Variants in U2SURP observed in about 807,000 individuals in gnomAD.
U2SURP encodes U2 snRNP-associated SURP motif-containing protein.
Under a neutral mutation model 144.9 loss-of-function variants are expected in U2SURP, and 9 were observed. The ratio of observed to expected loss-of-function variants is 0.06; its 90% CI spans 0.04 to 0.11. U2SURP has a LOEUF of 0.11. Among genes scored for constraint, U2SURP ranks in the 10% least tolerant of loss-of-function variants. The pLI is 1.00. For missense variants in U2SURP, 724 were observed against 1,226.7 expected, an observed-to-expected ratio of 0.59 and a Z score of 6.12; for synonymous variants, 408 against 396.8, an observed-to-expected ratio of 1.03 and a Z score of -0.33.
At chr3:143,039,084 C>A (rs376932481) in intron 23 of U2SURP, 124 bp downstream of exon 23, 1 of 565,736 alleles carries the variant, frequency 1.8e-6, no homozygotes, top group Non-Finnish European at 2.9e-6. Context: ...GGGAGAGGAT[C>A]ATTTTTAGTT....
rs1186177225 is a variant in U2SURP, at chr3:143,055,020, C to T, written c.2852C>T (p.Ser951Leu). The T allele has an allele frequency of 5.0e-6, 8 of 1,608,300 alleles. No individual in the cohort carries two copies. In the East Asian group the frequency reaches 6.7e-5, roughly 13 times the overall value. Residue 951 changes from serine to leucine, a missense_variant, in exon 27 of 28, where the codon TCG becomes TTG. By Grantham distance (145) the Ser-to-Leu change is moderately radical. Coordinates refer to ENST00000473835, the MANE Select transcript of U2SURP (RefSeq NM_001080415.2). ...GRRVKSPSPKSERSERSERSH... is the reference protein window; with the variant it reads ...GRRVKSPSPKLERSERSERSH... ...CGAGTGAAATCCCCATCACCAAAAT[C>T]GGAGCGATCAGAGCGTTCAGAAAGA...
At chr3:143,041,599 G>A (rs1175870003) in intron 23 of U2SURP, among the ~76,000 whole-genome samples, 2 of 151,906 alleles carry the variant, frequency 1.3e-5, no homozygotes, top group Non-Finnish European at 2.9e-5. Flanking sequence ...TGAATTGACA[G>A]CCTTTCTTTT....
rs971183294 is a variant in U2SURP, at chr3:143,038,199, A to G, written c.2313A>G (p.Ala771=). The part of the protein sequence containing the change: ...WEAVDESELE[A]QAVTTSKWEL... The stretch of plus-strand genomic sequence containing the variant: ...CTGTGGATGAATCTGAATTGGAAGC[A>G]CAGGGTGAGTAAAAGTAAAATAAAT... Residue 771 remains alanine, a synonymous_variant, in exon 22 of 28, where the codon GCA becomes GCG. Transcript: ENST00000473835. The G allele has an allele frequency of 6.9e-6, 11 of 1,598,558 alleles. No individual in the cohort carries two copies. Among genetic ancestry groups the G allele is most frequent in the Non-Finnish European group, 9.4e-6 (11 of 1,173,164 alleles).
At chr3:143,045,352 G>A (rs554041443) in intron 24 of U2SURP, among the ~76,000 whole-genome samples, 141 of 122,806 alleles carry the variant, frequency 1.1e-3, no homozygotes, top group African/African-American at 4.2e-3. Flanking sequence ...CTGGGCGACA[G>A]AGTGAGACGC....
At chr3:143,012,588 A>G (rs1390305142) in intron 3 of U2SURP, among the ~76,000 whole-genome samples, 1 of 152,192 alleles carries the variant, frequency 6.6e-6, no homozygotes, top group Non-Finnish European at 1.5e-5. Flanking sequence ...TTGAAAAACA[A>G]AGTAGTGTTT....
chr3:143,023,179 T>C (rs2108285050), intron 12 of U2SURP, 115 bp downstream of exon 12: 2 of 935,690 alleles, frequency 2.1e-6, no homozygotes, highest in East Asian at 2.7e-5. Context: ...TTGGCAACTT[T>C]TAAAGAAATA....
chr3:143,003,106 G>A (rs1331206248), intron 1 of U2SURP, among the ~76,000 whole-genome samples: 2 of 152,156 alleles, frequency 1.3e-5, no homozygotes, highest in Non-Finnish European at 2.9e-5. Flanking sequence ...TGGATACATT[G>A]AAAACATTTC....
chr3:143,012,921 C>G (rs1936189404), intron 3 of U2SURP, among the ~76,000 whole-genome samples: 1 of 152,110 alleles, frequency 6.6e-6, no homozygotes, highest in Admixed American at 6.6e-5. Flanking sequence ...ACAGTCATCA[C>G]CAGCCAGTAT....
intron 12 of U2SURP, 98 bp from the exon 13 acceptor site, chr3:143,023,877 T>C: frequency 9.1e-7 from 1 of 1,100,794 alleles, no homozygotes; most frequent in Non-Finnish European, 1.4e-6. Context: ...TGTGATTAGA[T>C]ATGTAGTATT....
chr3:143,019,938 T>C, intron 6 of U2SURP, 31 bp from the exon 7 acceptor site: 1 of 1,317,338 alleles, frequency 7.6e-7, no homozygotes, highest in South Asian at 1.6e-5. Context: ...TATCCTTTTG[T>C]TTGAAGTATA....
intron 13 of U2SURP, chr3:143,025,754 A>C (rs1201831093): frequency 1.3e-5 from 2 of 152,156 alleles, no homozygotes; most frequent in African/African-American, 2.4e-5. Context: ...TCCCCTTTGT[A>C]AAGATTTAAA....
intron 12 of U2SURP, among the ~76,000 whole-genome samples, 195 bp from the exon 13 acceptor site, chr3:143,023,780 G>A (rs1392867846): frequency 6.6e-6 from 1 of 152,152 alleles, no homozygotes; most frequent in East Asian, 1.9e-4. Context: ...TTTGGTGAAC[G>A]TTTATTGTTC....
chr3:143,014,343 T>C lies in U2SURP; in HGVS notation c.255T>C (p.Ser85=). 6.2e-7 allele frequency: 1 copy of C among 1,609,300 alleles called. No homozygotes were observed. The change falls in exon 4 of 28, where the codon AGT becomes AGC. Residue 85 remains serine, a synonymous_variant. Transcript: ENST00000473835. The part of the protein sequence containing the change: ...PLLENKLKAF[S]IGKMSTAKRT... ...TGGAAAACAAACTTAAAGCATTCAG[T>C]ATTGGAAAAATGAGTACAGCTAAGC...
chr3:143,011,093 G>T (rs1936101975), intron 2 of U2SURP, among the ~76,000 whole-genome samples: 1 of 147,816 alleles, frequency 6.8e-6, no homozygotes. Context: ...GATTTTTATT[G>T]TGTAAAAATC....
chr3:143,033,234 A>G lies in U2SURP; in HGVS notation c.1774-37A>G, dbSNP rs752239647. The G allele has an allele frequency of 4.5e-5, 56 of 1,254,268 alleles. No homozygotes were observed. In the Middle Eastern group the frequency reaches 1.3e-3, roughly 29 times the overall value. 77.7% of individuals were successfully genotyped at this position (1,254,268 alleles called of 1,614,324 possible). A position where few individuals can be genotyped will look rare whatever the true frequency, so the allele number is the denominator to read the frequency against. On this transcript the variant is annotated intron_variant, in intron 17 of 27. Coordinates refer to ENST00000473835, the MANE Select transcript of U2SURP (RefSeq NM_001080415.2). Reference sequence around the variant, plus strand: ...TAAATTATAGCTAAACATTAGCCTTATATTAACCTATTTTGTGTTATCTTT... The same window carrying G: ...TAAATTATAGCTAAACATTAGCCTTGTATTAACCTATTTTGTGTTATCTTT...
chr3:143,020,714 T>A (rs769832630), intron 8 of U2SURP, 21 bp downstream of exon 8: 2 of 1,560,028 alleles, frequency 1.3e-6, no homozygotes, highest in South Asian at 1.1e-5. Flanking sequence ...TTTATTTTAA[T>A]GTGTATGCTT....
At chr3:143,004,203 C>T (rs1176330222) in intron 1 of U2SURP, among the ~76,000 whole-genome samples, 2 of 152,100 alleles carry the variant, frequency 1.3e-5, no homozygotes, top group African/African-American at 4.8e-5. Context: ...TTGGTAGTTA[C>T]ATTCCCGTTA....
chr3:143,038,281 C>T, intron 22 of U2SURP, 78 bp downstream of exon 22: 1 of 1,101,686 alleles, frequency 9.1e-7, no homozygotes. Flanking sequence ...TATATGTTTT[C>T]CTTTTATGTT....
chr3:143,009,032 A>G (rs564035378), intron 1 of U2SURP, among the ~76,000 whole-genome samples: 31 of 152,262 alleles, frequency 2.0e-4, no homozygotes, highest in African/African-American at 6.3e-4. Context: ...GAGCCACTGC[A>G]CCTGGCCCAG....
Sources: gnomAD v4.1 joint callset for allele counts (sites outside exome capture counted in the v4.1 genomes callset) on GRCh38, gnomAD v4.1.1 for gene constraint, MANE v1.5 for transcripts, NCBI Gene and HGNC (gene_info 2026-07-23, HGNC 2026-07-21) for gene names.